The following TRIM24 variants were observed in gnomAD, a reference collection of about 807,000 sequenced individuals.
TRIM24 encodes transcription intermediary factor 1-alpha.
A neutral mutation model predicts 123.9 loss-of-function variants in TRIM24; 29 were observed. The observed-to-expected ratio is 0.23, with a 90% confidence interval of 0.17 to 0.32. The LOEUF (loss-of-function observed/expected upper bound fraction) is 0.32, where lower values mean the gene tolerates loss of function less well. TRIM24 is among the 10% of genes least tolerant of loss of function. The pLI, the probability that TRIM24 is intolerant of heterozygous loss-of-function variation, is 1.00. For synonymous variants in TRIM24, 456 were observed against 461.1 expected (o/e 0.99, Z 0.14); for missense variants, 932 against 1,295.3 (o/e 0.72, Z 4.31).
At chr7:138,545,416 A>G (rs1361583662) in intron 7 of TRIM24, 5 of 456,680 alleles carry the variant, frequency 1.1e-5, no homozygotes, top group Middle Eastern at 3.2e-4. Flanking sequence ...GTAAATAAGT[A>G]AATGGATTGA....
At position 138,528,714 on chromosome 7, in the gene TRIM24, G is replaced by A. The variant is rs192562463; in HGVS notation, c.882-402G>A. Among the ~76,000 whole-genome samples, 53 of 151,370 alleles carry A rather than the reference G, an allele frequency of 3.5e-4. No individual in the cohort carries two copies. The East Asian group carries it at 8.2e-3, about 23-fold the overall frequency. On this transcript the variant is annotated intron_variant, in intron 5 of 18. Coordinates refer to ENST00000343526, the MANE Select transcript of TRIM24 (RefSeq NM_015905.3). Reference sequence around the variant, plus strand: ...TCACATATACACTTTTCTAGCTTTCGGTTGCAATTAATATAGTAGAACATG... The same window carrying A: ...TCACATATACACTTTTCTAGCTTTCAGTTGCAATTAATATAGTAGAACATG...
chr7:138,472,214 A>G (rs888609), intron 1 of TRIM24, among the ~76,000 whole-genome samples: 40,974 of 151,924 alleles, frequency 0.27, 6,231 homozygotes, highest in East Asian at 0.5. Context: ...AAGGTTTCTC[A>G]CTTTCTTTTT....
chr7:138,533,921 A>C (rs998415348), intron 6 of TRIM24, among the ~76,000 whole-genome samples: 1 of 152,156 alleles, frequency 6.6e-6, no homozygotes, highest in African/African-American at 2.4e-5. Context: ...CAGGGATTCA[A>C]CTTCTTCCTG....
chr7:138,570,770 TA>T (rs1291176576), intron 10 of TRIM24, 59 bp from the exon 11 acceptor site: 2 of 1,557,402 alleles, frequency 1.3e-6, no homozygotes, highest in African/African-American at 1.4e-5. Flanking sequence ...AGTGATTACA[TA>T]GATGTTGTAT....
chr7:138,520,543 AGCTGGGCAAAGT>A (rs1796485641), intron 4 of TRIM24, among the ~76,000 whole-genome samples: 2 of 152,198 alleles, frequency 1.3e-5, no homozygotes, highest in Non-Finnish European at 2.9e-5. Context: ...ACAAAAAATT[AGCTGGGCAAAGT>A]GGTGTGTGCT....
chr7:138,556,218 C>T (rs754941241), intron 9 of TRIM24: 17 of 151,892 alleles, frequency 1.1e-4, no homozygotes, highest in South Asian at 4.1e-4. Flanking sequence ...TTTAAAGTTT[C>T]GAGATTTTCT....
At chr7:138,491,015 G>T in intron 1 of TRIM24, 1 of 240,514 alleles carries the variant, frequency 4.2e-6, no homozygotes, top group South Asian at 4.7e-5. Context: ...CTTCAATCAT[G>T]GTGTGCCATT....
At chr7:138,468,614 G>A (rs1363067614) in intron 1 of TRIM24, among the ~76,000 whole-genome samples, 1 of 152,066 alleles carries the variant, frequency 6.6e-6, no homozygotes, top group African/African-American at 2.4e-5. Flanking sequence ...TATATTTTAT[G>A]TAATTGTTGG....
At chr7:138,519,025 A>G (rs1796454460) in intron 3 of TRIM24, among the ~76,000 whole-genome samples, 164 bp from the exon 4 acceptor site, 1 of 152,192 alleles carries the variant, frequency 6.6e-6, no homozygotes, top group Non-Finnish European at 1.5e-5. Context: ...TGCTGACAAT[A>G]TGTGATATCT....
At position 138,576,405 on chromosome 7, in the gene TRIM24, A is replaced by T. The variant is rs764501254; in HGVS notation, c.2047A>T (p.Ile683Leu). Residue 683 changes from isoleucine (I) to leucine (L), a missense_variant, in exon 13 of 19, where the codon ATA becomes TTA. Physicochemically the swap from Ile to Leu is conservative, Grantham distance 5. This residue lies in a region of TRIM24 where 527 missense variants were observed against 691.3 expected (regional missense o/e 0.76). Coordinates refer to ENST00000343526, the MANE Select transcript of TRIM24 (RefSeq NM_015905.3). ...TACTATGACTAGTGTACACCCCCCA[A>T]TACGTTCACCTAGTGCCTCCAGCGT... ...PVTMTSVHPP[I>L]RSPSASSVGS... The T allele has an allele frequency of 6.8e-6, 11 of 1,613,594 alleles. No individual in the cohort carries two copies. The highest frequency in any genetic ancestry group is 4.0e-5 in the African/African-American group (3 of 74,872).
At chr7:138,533,320 T>G (rs1796788480) in intron 6 of TRIM24, among the ~76,000 whole-genome samples, 1 of 152,202 alleles carries the variant, frequency 6.6e-6, no homozygotes, top group South Asian at 2.1e-4. Flanking sequence ...TGCTTCCAGT[T>G]TTTGCCCATT....
At chr7:138,537,646 C>A (rs991688784) in intron 6 of TRIM24, among the ~76,000 whole-genome samples, 3 of 151,898 alleles carry the variant, frequency 2.0e-5, no homozygotes, top group Non-Finnish European at 4.4e-5. Context: ...TTACAGAGGT[C>A]AAAAATAGTC....
Position 138,580,580 on chromosome 7 carries a change from T to C in TRIM24, c.2604T>C (p.Thr868=), listed in dbSNP as rs142149935. ...CTAACAGTGGAGAGTGGATTTGCAC[T>C]TTCTGCCGAGACTTATCTAAACCAG... ...TNFPSGEWIC[T]FCRDLSKPEV... The change falls in exon 16 of 19, where the codon ACT becomes ACC. Residue 868 remains threonine, a synonymous_variant. Coordinates refer to ENST00000343526, the MANE Select transcript of TRIM24 (RefSeq NM_015905.3). 48 of 1,612,662 alleles carry C rather than the reference T, an allele frequency of 3.0e-5. No individual in the cohort carries two copies. The African/African-American group carries it at 4.1e-4, about 14-fold the overall frequency.
At chr7:138,466,004 T>TTTTTTG (rs1795128078) in intron 1 of TRIM24, among the ~76,000 whole-genome samples, 1 of 152,210 alleles carries the variant, frequency 6.6e-6, no homozygotes, top group African/African-American at 2.4e-5. Flanking sequence ...TTTAAAAGTT[T>TTTTTTG]TTTTTGTTTT....
intron 1 of TRIM24, among the ~76,000 whole-genome samples, chr7:138,475,725 G>A (rs542544484): frequency 1.3e-5 from 2 of 152,232 alleles, no homozygotes; most frequent in East Asian, 3.9e-4. Flanking sequence ...TGGCCAAGCT[G>A]GTCTCGAACA....
intron 5 of TRIM24, among the ~76,000 whole-genome samples, chr7:138,527,877 G>A (rs1796643093): frequency 6.6e-6 from 1 of 152,076 alleles, no homozygotes; most frequent in Non-Finnish European, 1.5e-5. Flanking sequence ...ACCAGGCCTA[G>A]AACAAAGACT....
intron 6 of TRIM24, among the ~76,000 whole-genome samples, chr7:138,535,267 G>C (rs1288171093): frequency 6.6e-6 from 1 of 152,126 alleles, no homozygotes. Flanking sequence ...TGTGATGTTA[G>C]CTGGTTATTT....
At chr7:138,571,099 G>A in intron 11 of TRIM24, 96 bp downstream of exon 11, 1 of 1,265,608 alleles carries the variant, frequency 7.9e-7, no homozygotes, top group Non-Finnish European at 1.1e-6. Flanking sequence ...GGAGGCTGAG[G>A]CAGACAGATT....
Position 138,491,729 on chromosome 7 carries a change from A to G in TRIM24, c.365-12561A>G, listed in dbSNP as rs1795787654. Among the ~76,000 whole-genome samples, 6 of 152,288 alleles carry G rather than the reference A, an allele frequency of 3.9e-5. No individual in the cohort carries two copies. The South Asian group carries it at 1.2e-3, about 32-fold the overall frequency. The stretch of plus-strand genomic sequence containing the variant: ...ATGGCTGTTAGCTTTTTGGTGAACT[A>G]CAAAACTGTTACCACAGCAGCTCCA... On this transcript the variant is annotated intron_variant, in intron 1 of 18. Coordinates refer to ENST00000343526, the MANE Select transcript of TRIM24 (RefSeq NM_015905.3).
Sources: gnomAD v4.1 joint callset for allele counts (sites outside exome capture counted in the v4.1 genomes callset) on GRCh38, gnomAD v4.1.1 for gene constraint, gnomAD v4.1.1 regional missense constraint, MANE v1.5 for transcripts, NCBI Gene and HGNC (gene_info 2026-07-23, HGNC 2026-07-21) for gene names.